Variants in OTUD7A observed in about 807,000 individuals in gnomAD.
OTUD7A encodes OTU deubiquitinase 7A.
Under a neutral mutation model 65.7 loss-of-function variants are expected in OTUD7A, and 12 were observed. The observed-to-expected ratio is 0.18, with a 90% CI of 0.12 to 0.30. The LOEUF is 0.30. Among genes scored for constraint, OTUD7A ranks in the 10% least tolerant of loss-of-function variants. OTUD7A has a pLI of 1.00. For missense variants in OTUD7A, 1,148 were observed against 1,304.8 expected (o/e 0.88, Z 1.85); for synonymous variants, 641 against 586.3 (o/e 1.09, Z -1.35).
chr15:31,814,519 C>T (rs1001367468), intron 1 of OTUD7A, among the ~76,000 whole-genome samples: 2 of 151,648 alleles, frequency 1.3e-5, no homozygotes, highest in African/African-American at 4.8e-5. Context: ...AAAAACCTTG[C>T]GTAAGTTCTT....
intron 8 of OTUD7A, among the ~76,000 whole-genome samples, chr15:31,517,159 G>T (rs2041870834): frequency 6.6e-6 from 1 of 152,212 alleles, no homozygotes; most frequent in African/African-American, 2.4e-5. Context: ...CCAGGTAAGA[G>T]AAGTATCCCA....
At chr15:31,615,114 G>A (rs1057332263) in intron 3 of OTUD7A, among the ~76,000 whole-genome samples, 1 of 152,090 alleles carries the variant, frequency 6.6e-6, no homozygotes, top group African/African-American at 2.4e-5. Flanking sequence ...AGCAAATAAT[G>A]AGATGTTAGA....
At chr15:31,690,309 G>A (rs1460792828) in intron 1 of OTUD7A, among the ~76,000 whole-genome samples, 5 of 152,158 alleles carry the variant, frequency 3.3e-5, no homozygotes, top group Admixed American at 6.5e-5. Flanking sequence ...AACTGATCAC[G>A]AATAATTTGC....
chr15:31,513,857 T>C (rs2141102243), intron 8 of OTUD7A, among the ~76,000 whole-genome samples: 1 of 152,298 alleles, frequency 6.6e-6, no homozygotes, highest in East Asian at 1.9e-4. Context: ...ACTCCATTCC[T>C]CACCAAATCT....
intron 1 of OTUD7A, among the ~76,000 whole-genome samples, chr15:31,820,634 T>C (rs150643240): frequency 2.2e-3 from 331 of 152,308 alleles, no homozygotes; most frequent in Middle Eastern, 0.01. Context: ...GGCCCCACCA[T>C]TTTCTGGTAG....
intron 1 of OTUD7A, among the ~76,000 whole-genome samples, chr15:31,724,243 A>G (rs755968804): frequency 4.6e-5 from 7 of 152,216 alleles, no homozygotes; most frequent in Non-Finnish European, 7.3e-5. Flanking sequence ...ATTTAATGAA[A>G]TAAAATCTGT....
At chr15:31,634,801 C>G (rs1039310706) in intron 3 of OTUD7A, among the ~76,000 whole-genome samples, 1 of 152,238 alleles carries the variant, frequency 6.6e-6, no homozygotes, top group Non-Finnish European at 1.5e-5. Flanking sequence ...TCGCCTCAGT[C>G]TGGGGCCCTT....
chr15:31,530,336 C>G (rs1394353175), intron 6 of OTUD7A, among the ~76,000 whole-genome samples: 2 of 152,214 alleles, frequency 1.3e-5, no homozygotes, highest in Non-Finnish European at 2.9e-5. Context: ...GCAGGGTCTC[C>G]CTGCCTGCAA....
intron 5 of OTUD7A, among the ~76,000 whole-genome samples, chr15:31,555,194 A>G (rs1313761317): frequency 1.3e-5 from 2 of 152,154 alleles, no homozygotes; most frequent in African/African-American, 4.8e-5. Flanking sequence ...ACTGTTTGCC[A>G]GTTTTCAGAA....
chr15:31,654,986 A>G, intron 3 of OTUD7A, 110 bp downstream of exon 3: 2 of 1,349,820 alleles, frequency 1.5e-6, no homozygotes, highest in South Asian at 3.2e-5. Context: ...AACACAAAGC[A>G]AAGCCCACTT....
chr15:31,519,998 CAAAT>C (rs1555392774), intron 8 of OTUD7A, among the ~76,000 whole-genome samples: 2 of 152,078 alleles, frequency 1.3e-5, no homozygotes, highest in Non-Finnish European at 2.9e-5. Context: ...GTCAATGACA[CAAAT>C]GAATGGAAAA....
chr15:31,567,652 C>G (rs2141169069), intron 4 of OTUD7A, among the ~76,000 whole-genome samples: 1 of 152,324 alleles, frequency 6.6e-6, no homozygotes, highest in South Asian at 2.1e-4. Flanking sequence ...GCCTTGAAGG[C>G]ATTTCAGAGA....
intron 1 of OTUD7A, among the ~76,000 whole-genome samples, chr15:31,819,083 T>A (rs1896618967): frequency 6.6e-6 from 1 of 152,204 alleles, no homozygotes; most frequent in East Asian, 1.9e-4. Flanking sequence ...TGTAGAGATT[T>A]ATCAGGCTGG....
chr15:31,529,169 C>A (rs2042054073), intron 6 of OTUD7A, among the ~76,000 whole-genome samples: 3 of 152,202 alleles, frequency 2.0e-5, no homozygotes, highest in Non-Finnish European at 2.9e-5. Flanking sequence ...ATGCCCCAGA[C>A]TTCACAATGA....
At chr15:31,860,590 T>C (rs1897692009) in intron 1 of OTUD7A, among the ~76,000 whole-genome samples, 1 of 133,640 alleles carries the variant, frequency 7.5e-6, no homozygotes, top group African/African-American at 2.7e-5. Context: ...CTTGTTCAAA[T>C]GCTCAGTATT....
intron 1 of OTUD7A, among the ~76,000 whole-genome samples, chr15:31,694,162 C>T (rs1410602575): frequency 5.3e-5 from 8 of 152,210 alleles, no homozygotes; most frequent in Non-Finnish European, 2.9e-5. Context: ...AGCCAGGACA[C>T]TGCCCTCACA....
intron 3 of OTUD7A, among the ~76,000 whole-genome samples, chr15:31,624,096 C>A (rs1039347767): frequency 6.6e-6 from 1 of 152,190 alleles, no homozygotes; most frequent in Admixed American, 6.5e-5. Context: ...AAAGTGGCTA[C>A]TTGGAATACA....
chr15:31,479,263 G>A lies in OTUD7A; in HGVS notation c.*4031C>T, dbSNP rs1024137035. 4.6e-5 allele frequency: 7 copies of A among 152,238 alleles called. No individual in the cohort carries two copies. Among genetic ancestry groups the A allele is most frequent in the African/African-American group, 1.4e-4 (6 of 41,448 alleles). The allele number at this position is 152,238 out of a possible 1,614,324, so 9.4% of individuals were successfully genotyped here. ...GCAGCCCAGCGAGGATGAAGCCAGG[G>A]CTGGTAAGGTCTGTCTGGCCCAGCA... is the stretch of plus-strand genomic sequence containing the variant. On this transcript the variant is annotated 3_prime_UTR_variant, in exon 13 of 13. Transcript: ENST00000307050.
intron 1 of OTUD7A, among the ~76,000 whole-genome samples, chr15:31,772,892 T>C (rs117023793): frequency 0.013 from 2,041 of 152,268 alleles, 22 homozygotes; most frequent in Non-Finnish European, 0.021. Flanking sequence ...TTAAAGAAGT[T>C]TGTATATAAT....
Sources: gnomAD v4.1 joint callset for allele counts (sites outside exome capture counted in the v4.1 genomes callset) on GRCh38, gnomAD v4.1.1 for gene constraint, MANE v1.5 for transcripts, NCBI Gene and HGNC (gene_info 2026-07-23, HGNC 2026-07-21) for gene names.